Variants in PTPRD observed in about 807,000 individuals in gnomAD.
PTPRD encodes protein tyrosine phosphatase receptor type D, also known as receptor-type tyrosine-protein phosphatase delta.
PTPRD carries 34 observed loss-of-function variants against 214.5 expected under a neutral mutation model. That is an observed-to-expected ratio of 0.16 (90% confidence interval 0.12 to 0.21). The LOEUF (loss-of-function observed/expected upper bound fraction) is 0.21. Among genes scored for constraint, PTPRD ranks in the 10% least tolerant of loss-of-function variants. PTPRD has a pLI of 1.00. For missense variants in PTPRD, 2,545 were observed against 2,398.7 expected (o/e 1.06, Z -1.27); for synonymous variants, 1,128 against 845.7 (o/e 1.33, Z -5.79).
chr9:8,581,684 T>C (rs1207957031), intron 14 of PTPRD, among the ~76,000 whole-genome samples: 1 of 151,744 alleles, frequency 6.6e-6, no homozygotes, highest in African/African-American at 2.4e-5. Flanking sequence ...GAGGCAAAGC[T>C]TGCAGTGAGC....
intron 10 of PTPRD, among the ~76,000 whole-genome samples, chr9:9,042,343 C>A (rs1241190432): frequency 1.3e-5 from 2 of 152,142 alleles, no homozygotes; most frequent in African/African-American, 4.8e-5. Flanking sequence ...CTAGGTCAAC[C>A]ACTATGGCTG....
intron 11 of PTPRD, among the ~76,000 whole-genome samples, chr9:8,870,687 A>AACACACACACACACACAC (rs3046878): frequency 7.3e-4 from 96 of 131,454 alleles, no homozygotes; most frequent in South Asian, 6.0e-3. Flanking sequence ...ACAGACATGA[A>AACACACACACACACACAC]ACACACACAC....
intron 3 of PTPRD, among the ~76,000 whole-genome samples, chr9:10,075,905 T>A (rs570105785): frequency 6.6e-6 from 1 of 152,184 alleles, no homozygotes; most frequent in African/African-American, 2.4e-5. Context: ...TATTTTCTTC[T>A]ACATAAATGC....
intron 9 of PTPRD, among the ~76,000 whole-genome samples, chr9:9,269,036 T>C (rs190903346): frequency 5.3e-5 from 8 of 150,048 alleles, no homozygotes; most frequent in South Asian, 2.1e-4. Context: ...GAAAAGTTTC[T>C]ATACAACAAA....
At chr9:9,865,764 T>C (rs1455562466) in intron 5 of PTPRD, among the ~76,000 whole-genome samples, 3 of 152,246 alleles carry the variant, frequency 2.0e-5, no homozygotes, top group Non-Finnish European at 4.4e-5. Flanking sequence ...ATATAAGCTA[T>C]CTTGGGTATT....
chr9:9,258,351 A>G (rs1047854877), intron 9 of PTPRD, among the ~76,000 whole-genome samples: 2 of 151,920 alleles, frequency 1.3e-5, no homozygotes, highest in African/African-American at 2.4e-5. Flanking sequence ...ATACACATTT[A>G]GAGCTGGCTA....
chr9:9,087,505 G>A lies in PTPRD; in HGVS notation c.-142-68770C>T, dbSNP rs187788921. Among the ~76,000 whole-genome samples the A allele has an allele frequency of 1.6e-3, 251 of 152,188 alleles. 1 individual carries two copies. The highest frequency in any genetic ancestry group is 1.3e-3 in the Non-Finnish European group (88 of 67,996). ...AAAGAAATGTAGGTGGCATTTCAAG[G>A]AGGAAAAAGAACTAAGAACCAGGAT... On this transcript the variant is annotated intron_variant, in intron 10 of 45. Coordinates refer to ENST00000381196, the MANE Select transcript of PTPRD (RefSeq NM_002839.4).
chr9:8,911,126 A>G (rs900937787), intron 11 of PTPRD, among the ~76,000 whole-genome samples: 1 of 152,248 alleles, frequency 6.6e-6, no homozygotes, highest in African/African-American at 2.4e-5. Context: ...TTTAAAATTT[A>G]TATGAATTCA....
chr9:8,728,103 A>T (rs532006118), intron 12 of PTPRD, among the ~76,000 whole-genome samples: 1 of 152,190 alleles, frequency 6.6e-6, no homozygotes, highest in East Asian at 1.9e-4. Flanking sequence ...CAAAAAAATT[A>T]GCCAGGTGTG....
intron 2 of PTPRD, among the ~76,000 whole-genome samples, chr9:10,563,637 C>CTGT (rs747527136): frequency 4.2e-4 from 63 of 151,530 alleles, no homozygotes; most frequent in African/African-American, 1.5e-3. Context: ...CATTGAAACA[C>CTGT]TGTTGTTGTT....
chr9:9,706,216 A>G (rs1014335241), intron 7 of PTPRD, among the ~76,000 whole-genome samples: 15 of 152,070 alleles, frequency 9.9e-5, no homozygotes, highest in African/African-American at 1.4e-4. Context: ...GAAAACCCCA[A>G]TCTGTTTTAG....
At chr9:9,935,944 C>A (rs2089194327) in intron 5 of PTPRD, among the ~76,000 whole-genome samples, 1 of 151,372 alleles carries the variant, frequency 6.6e-6, no homozygotes, top group East Asian at 1.9e-4. Context: ...ACTATCTGAT[C>A]TTTGACAAAC....
chr9:8,631,580 G>A (rs1031173794), intron 14 of PTPRD, among the ~76,000 whole-genome samples: 2 of 151,784 alleles, frequency 1.3e-5, no homozygotes. Context: ...CAGCTTTTAT[G>A]TTAAACTATT....
chr9:10,299,518 AGGAGGTTTTTGTCAGG>A (rs1435797330), intron 3 of PTPRD, among the ~76,000 whole-genome samples: 1 of 152,168 alleles, frequency 6.6e-6, no homozygotes, highest in African/African-American at 2.4e-5. Context: ...AAATGTGTGT[AGGAGGTTTTTGTCAGG>A]TCAAGGTCCT....
intron 35 of PTPRD, among the ~76,000 whole-genome samples, chr9:8,407,676 C>A (rs1211237173): frequency 1.3e-5 from 2 of 152,136 alleles, no homozygotes; most frequent in Admixed American, 1.3e-4. Context: ...CATAAGAAAT[C>A]AAGTTTTAAA....
chr9:9,538,090 A>C (rs80025309), intron 8 of PTPRD, among the ~76,000 whole-genome samples: 1 of 151,842 alleles, frequency 6.6e-6, no homozygotes, highest in Non-Finnish European at 1.5e-5. Flanking sequence ...TTCTTGGTAC[A>C]CTTTCTATAC....
intron 2 of PTPRD, among the ~76,000 whole-genome samples, chr9:10,586,121 G>C (rs2073806031): frequency 6.6e-6 from 1 of 152,068 alleles, no homozygotes; most frequent in Non-Finnish European, 1.5e-5. Context: ...AATTATAAGA[G>C]ATTTAAGCAT....
intron 2 of PTPRD, among the ~76,000 whole-genome samples, chr9:10,504,549 A>G (rs750227474): frequency 6.6e-6 from 1 of 152,200 alleles, no homozygotes; most frequent in African/African-American, 2.4e-5. Context: ...AGCCATATCA[A>G]TTCAGAGTGT....
chr9:9,694,452 G>T (rs1419626997), intron 7 of PTPRD, among the ~76,000 whole-genome samples: 1 of 152,042 alleles, frequency 6.6e-6, no homozygotes, highest in Non-Finnish European at 1.5e-5. Flanking sequence ...ATGGGCAGGT[G>T]TGTTGATGCA....
Sources: gnomAD v4.1 joint callset for allele counts (sites outside exome capture counted in the v4.1 genomes callset) on GRCh38, gnomAD v4.1.1 for gene constraint, MANE v1.5 for transcripts, NCBI Gene and HGNC (gene_info 2026-07-23, HGNC 2026-07-21) for gene names.